Variants in STAT1 observed in about 807,000 individuals in gnomAD.
STAT1 encodes signal transducer and activator of transcription 1.
STAT1 carries 24 observed loss-of-function variants against 111.7 expected under a neutral mutation model. The observed-to-expected ratio is 0.21, with a 90% CI of 0.16 to 0.30. The LOEUF (loss-of-function observed/expected upper bound fraction) is 0.30, where lower values mean the gene tolerates loss of function less well. Among genes scored for constraint, STAT1 ranks in the 10% least tolerant of loss-of-function variants. STAT1 has a pLI of 1.00. For missense variants in STAT1, 351 were observed against 911.9 expected (o/e 0.38, Z 7.92); for synonymous variants, 332 against 326.5 (o/e 1.02, Z -0.18).
rs774692163 is a variant in STAT1 at position 190,989,752 on chromosome 2, C to T, written c.1038-78G>A. The T allele has an allele frequency of 8.2e-5, 88 of 1,074,602 alleles. No homozygotes were observed. Among genetic ancestry groups the T allele is most frequent in the Middle Eastern group, 2.7e-4 (1 of 3,664 alleles). The allele number at this position is 1,074,602 out of a possible 1,614,324, so 66.6% of individuals were successfully genotyped here. The stretch of plus-strand genomic sequence containing the variant: ...ATTTATTATGCCAATTCCCTATTAA[C>T]GTTTAGATAAACTACTCCCCCTCCA... On this transcript the variant is annotated intron_variant, in intron 11 of 24. Coordinates refer to ENST00000361099, the MANE Select transcript of STAT1 (RefSeq NM_007315.4). The surrounding 1 kb of genome is among the most constrained non-coding windows in gnomAD (Gnocchi z 5.0).
Position 191,003,452 on chromosome 2 carries a change from G to A in STAT1, c.373-2289C>T, listed in dbSNP as rs1298370702. Among the ~76,000 whole-genome samples, 1 of 152,222 alleles carries A rather than the reference G, an allele frequency of 6.6e-6. No homozygotes were observed. Among genetic ancestry groups the A allele is most frequent in the Non-Finnish European group, 1.5e-5 (1 of 68,036 alleles). On this transcript the variant is annotated intron_variant, in intron 5 of 24. Coordinates refer to ENST00000361099, the MANE Select transcript of STAT1 (RefSeq NM_007315.4). This position sits in a 1 kb window ranked among gnomAD's most constrained non-coding sequence, Gnocchi z 4.0. ...TGTAATCCCCATTGTTGGAGGTGGG[G>A]CCTGGTGGAAGGTGACTGGATCACG...
Position 190,977,151 on chromosome 2 carries a change from T to C in STAT1, c.1874-126A>G. 2 of 878,786 alleles carry C rather than the reference T, an allele frequency of 2.3e-6. No homozygotes were observed. The highest frequency in any genetic ancestry group is 2.6e-5 in the East Asian group (1 of 38,424). The allele number at this position is 878,786 out of a possible 1,614,324, so 54.4% of individuals were successfully genotyped here. A position where few individuals can be genotyped will look rare whatever the true frequency, so the allele number is the denominator to read the frequency against. ...ATAAGAACTAATCACAATCTAAGCA[T>C]TATAACATATACAGTAGACTGCTTT... On this transcript the variant is annotated intron_variant, in intron 21 of 24. Coordinates refer to ENST00000361099, the MANE Select transcript of STAT1 (RefSeq NM_007315.4). The surrounding 1 kb of genome is among the most constrained non-coding windows in gnomAD (Gnocchi z 4.7).
rs1574664291 is a variant in STAT1 at position 191,001,155 on chromosome 2, C to T, written c.381G>A (p.Ser127=). ...ACATCACTGTGCTCTGAATATTCCC[C>T]GACTGAGCCTGTAATGGGAAGGGCA... is the stretch of plus-strand genomic sequence containing the variant. ...ENAQRFNQAQ[S]GNIQSTVMLD... The change falls in exon 6 of 25, where the codon TCG becomes TCA. Residue 127 remains serine, a synonymous_variant. Transcript: ENST00000361099. 1.2e-6 allele frequency: 2 copies of T among 1,613,432 alleles called. No homozygotes were observed. Among genetic ancestry groups the T allele is most frequent in the Admixed American group, 3.3e-5 (2 of 59,996 alleles).
Position 190,983,305 on chromosome 2 carries a change from T to G in STAT1, c.1446+337A>C, listed in dbSNP as rs1417293485. Reference sequence around the variant, plus strand: ...AAAAAACATAAGTACTTTGAATAATTATAAATGACTGTAATTAATTAACAG... The same window carrying G: ...AAAAAACATAAGTACTTTGAATAATGATAAATGACTGTAATTAATTAACAG... On this transcript the variant is annotated intron_variant, in intron 17 of 24. Transcript: ENST00000361099. This position sits in a 1 kb window ranked among gnomAD's most constrained non-coding sequence, Gnocchi z 5.7. Among the ~76,000 whole-genome samples the G allele has an allele frequency of 3.3e-5, 5 of 152,204 alleles. No homozygotes were observed. Among genetic ancestry groups the G allele is most frequent in the African/African-American group, 4.8e-5 (2 of 41,436 alleles).
intron 24 of STAT1, among the ~76,000 whole-genome samples, chr2:190,972,766 C>T (rs1337845735): frequency 6.8e-6 from 1 of 146,812 alleles, no homozygotes; most frequent in East Asian, 2.0e-4. Flanking sequence ...CCTCTTTTAG[C>T]TCTTTAAGTC....
At chr2:190,991,424 T>TA in intron 10 of STAT1, 104 bp from the exon 11 acceptor site, 3 of 1,028,618 alleles carry the variant, frequency 2.9e-6, no homozygotes, top group Non-Finnish European at 4.5e-6. Context: ...GAGTACGATC[T>TA]AAAAAATCAT....
rs776192196 is a variant in STAT1, at chr2:190,991,288, G to A, written c.977C>T (p.Pro326Leu). The A allele has an allele frequency of 6.2e-7, 1 of 1,614,026 alleles. No homozygotes were observed. Among genetic ancestry groups the A allele is most frequent in the Non-Finnish European group, 8.5e-7 (1 of 1,179,994 alleles). Residue 326 changes from proline (P) to leucine (L), a missense_variant, in exon 11 of 25, where the codon CCA becomes CTA. Physicochemically the swap from Pro to Leu is moderately conservative, Grantham distance 98. Around this residue, in one of 7 missense-constraint regions of STAT1, gnomAD observed 23 missense variants for 123.1 expected, o/e 0.19. Transcript: ENST00000361099. ...SFVVERQPCM[P>L]THPQRPLVLK... ...GACCAGCGGCCTCTGAGGGTGCGTT[G>A]GCATGCAGGGCTGTCTTTCCACCAC...
Position 190,999,636 on chromosome 2 carries a change from C to T in STAT1, c.531G>A (p.Leu177=), listed in dbSNP as rs1427357096. Residue 177 remains leucine (L), a synonymous_variant, in exon 7 of 25, where the codon TTG becomes TTA. Coordinates refer to ENST00000361099, the MANE Select transcript of STAT1 (RefSeq NM_007315.4). The surrounding 1 kb of genome is among the most constrained non-coding windows in gnomAD (Gnocchi z 4.1). ...QDEYDFKCKT[L]QNREHETNGV... Reference sequence around the variant, plus strand: ...GTTGTGAACCCTTACCTCTGTTCTGCAAGGTTTTGCATTTGAAGTCATATT... The same window carrying T: ...GTTGTGAACCCTTACCTCTGTTCTGTAAGGTTTTGCATTTGAAGTCATATT... 3 of 1,613,598 alleles carry T rather than the reference C, an allele frequency of 1.9e-6. No homozygotes were observed. Among genetic ancestry groups the T allele is most frequent in the African/African-American group, 1.3e-5 (1 of 74,988 alleles).
chr2:190,985,791 T>TG (rs2125030016), intron 14 of STAT1, 131 bp from the exon 15 acceptor site: 1 of 982,556 alleles, frequency 1.0e-6, no homozygotes, highest in East Asian at 2.6e-5. Context: ...ATGCAGAACA[T>TG]GGGACAAATT....
In STAT1 at chr2:190,993,622, C is replaced by T. The variant is rs1251034420; in HGVS notation, c.944+1439G>A. 3.5e-6 allele frequency: 2 copies of T among 575,378 alleles called. No individual in the cohort carries two copies. Among genetic ancestry groups the T allele is most frequent in the South Asian group, 3.1e-5 (2 of 64,818 alleles). 35.6% of individuals were successfully genotyped at this position (575,378 alleles called of 1,614,324 possible). On this transcript the variant is annotated intron_variant, in intron 10 of 24. Transcript: ENST00000361099. The surrounding 1 kb of genome is among the most constrained non-coding windows in gnomAD (Gnocchi z 4.1). ...CACCCTTGCTGCTACAGCTGCTGCC[C>T]TGACTCTCTGCACCACGGGTAACTG...
rs1320787271 is a variant in STAT1, at chr2:190,990,861, A to G, written c.1037+367T>C. Among the ~76,000 whole-genome samples, 1 of 152,198 alleles carries G rather than the reference A, an allele frequency of 6.6e-6. No homozygotes were observed. Among genetic ancestry groups the G allele is most frequent in the Non-Finnish European group, 1.5e-5 (1 of 68,036 alleles). The stretch of plus-strand genomic sequence containing the variant: ...ATGTACATGTTATAAATCCACATTC[A>G]TACAGCTTCTGGGGTTCATAAGGCT... On this transcript the variant is annotated intron_variant, in intron 11 of 24. Transcript: ENST00000361099. This position sits in a 1 kb window ranked among gnomAD's most constrained non-coding sequence, Gnocchi z 5.1.
chr2:190,978,917 A>G lies in STAT1; in HGVS notation c.1812T>C (p.Ser604=). The G allele has an allele frequency of 6.2e-7, 1 of 1,614,140 alleles. No individual in the cohort carries two copies. The highest frequency in any genetic ancestry group is 8.5e-7 in the Non-Finnish European group (1 of 1,180,014). ...QQPGTFLLRF[S]ESSREGAITF... ...TGATGGCCCCTTCCCGGGAGCTCTC[A>G]CTGAACCGCAGCAGGAAGGTCCCCG... Residue 604 remains serine, a synonymous_variant, in exon 21 of 25, where the codon AGT becomes AGC. Coordinates refer to ENST00000361099, the MANE Select transcript of STAT1 (RefSeq NM_007315.4). This position sits in a 1 kb window ranked among gnomAD's most constrained non-coding sequence, Gnocchi z 6.1.
intron 24 of STAT1, among the ~76,000 whole-genome samples, chr2:190,972,717 CTT>C (rs1315829326): frequency 6.6e-6 from 1 of 150,524 alleles, no homozygotes; most frequent in Non-Finnish European, 1.5e-5. Context: ...ATTATGAACT[CTT>C]TTTCTTTTCT....
rs958395404 is a variant in STAT1, at chr2:190,993,662, G to C, written c.944+1399C>G. ...ACGGGTAACTGAAGGAAAGGAATGA[G>C]ATAGGCTGTTCTGGGAGAGTAAATG... On this transcript the variant is annotated intron_variant, in intron 10 of 24. Transcript: ENST00000361099. The surrounding 1 kb of genome is among the most constrained non-coding windows in gnomAD (Gnocchi z 4.1). 2 of 509,508 alleles carry C rather than the reference G, an allele frequency of 3.9e-6. No individual in the cohort carries two copies. The highest frequency in any genetic ancestry group is 7.7e-6 in the Non-Finnish European group (2 of 261,374). The allele number at this position is 509,508 out of a possible 1,614,324, so 31.6% of individuals were successfully genotyped here. A position where few individuals can be genotyped will look rare whatever the true frequency, so the allele number is the denominator to read the frequency against.
chr2:190,993,269 T>C lies in STAT1; in HGVS notation c.944+1792A>G. 1.6e-6 allele frequency: 1 copy of C among 616,930 alleles called. No individual in the cohort carries two copies. Among genetic ancestry groups the C allele is most frequent in the South Asian group, 1.6e-5 (1 of 60,868 alleles). 38.2% of individuals were successfully genotyped at this position (616,930 alleles called of 1,614,324 possible). A position where few individuals can be genotyped will look rare whatever the true frequency, so the allele number is the denominator to read the frequency against. On this transcript the variant is annotated intron_variant, in intron 10 of 24. Transcript: ENST00000361099. This position sits in a 1 kb window ranked among gnomAD's most constrained non-coding sequence, Gnocchi z 4.1. ...TTTCTGCAGTCACTGTTTAATATTA[T>C]TGAAGGACTCCTGATCTGTCACATC...
rs1456654980 is a variant in STAT1, at chr2:191,006,151, A to G, written c.372+1412T>C. Among the ~76,000 whole-genome samples the G allele has an allele frequency of 2.6e-5, 4 of 152,264 alleles. No homozygotes were observed. The highest frequency in any genetic ancestry group is 9.6e-5 in the African/African-American group (4 of 41,536). The stretch of plus-strand genomic sequence containing the variant: ...CATCTTTGCTCCTGGCTGTCCTTTC[A>G]AGTCTATTAGAAATACAGAGGAGGC... On this transcript the variant is annotated intron_variant, in intron 5 of 24. Transcript: ENST00000361099. This position sits in a 1 kb window ranked among gnomAD's most constrained non-coding sequence, Gnocchi z 4.6.
At position 190,997,848 on chromosome 2, in the gene STAT1, A is replaced by G; in HGVS notation, c.785+8T>C. On this transcript the variant is annotated splice_region_variant and intron_variant, in intron 9 of 24. Coordinates refer to ENST00000361099, the MANE Select transcript of STAT1 (RefSeq NM_007315.4). The surrounding 1 kb of genome is among the most constrained non-coding windows in gnomAD (Gnocchi z 7.3). ...CAGCTGCCAGTTTTCTGCTTTGGAG[A>G]ATCTTACCAGTTCTGCAGCTGATCC... The G allele has an allele frequency of 6.2e-7, 1 of 1,614,128 alleles. No individual in the cohort carries two copies. Among genetic ancestry groups the G allele is most frequent in the Non-Finnish European group, 8.5e-7 (1 of 1,180,024 alleles).
In STAT1 at chr2:190,979,148, G is replaced by A. The variant is rs1037623370; in HGVS notation, c.1728-147C>T. 8.0e-5 allele frequency: 86 copies of A among 1,077,536 alleles called. No homozygotes were observed. The highest frequency in any genetic ancestry group is 4.1e-4 in the Middle Eastern group (2 of 4,928). 66.7% of individuals were successfully genotyped at this position (1,077,536 alleles called of 1,614,324 possible). On this transcript the variant is annotated intron_variant, in intron 20 of 24. Transcript: ENST00000361099. This position sits in a 1 kb window ranked among gnomAD's most constrained non-coding sequence, Gnocchi z 5.8. ...AGACTATTTTAAAATCTGTTCAGTT[G>A]ACACTTAAGGAAGCATTTCACTTAT...
At chr2:190,972,957 T>C (rs1011014671) in intron 24 of STAT1, among the ~76,000 whole-genome samples, 1 of 152,088 alleles carries the variant, frequency 6.6e-6, no homozygotes. Flanking sequence ...TTTCCTGACA[T>C]GTGCTTAGCA....
Sources: gnomAD v4.1 joint callset for allele counts (sites outside exome capture counted in the v4.1 genomes callset) on GRCh38, gnomAD v4.1.1 for gene constraint, gnomAD v4.1.1 regional missense constraint, Gnocchi (gnomAD v3.1) non-coding constraint, MANE v1.5 for transcripts, NCBI Gene and HGNC (gene_info 2026-07-23, HGNC 2026-07-21) for gene names.